Variants in DLGAP2 observed in about 807,000 individuals in gnomAD.
DLGAP2 encodes disks large-associated protein 2.
In DLGAP2, 26 loss-of-function variants were observed where a neutral mutation model predicts 100.3. The ratio of observed to expected loss-of-function variants is 0.26; its 90% CI spans 0.19 to 0.36. The LOEUF (loss-of-function observed/expected upper bound fraction) is 0.36. Among genes scored for constraint, DLGAP2 ranks in the 10% least tolerant of loss-of-function variants. The pLI is 1.00. For missense variants in DLGAP2, 1,858 were observed against 1,453.2 expected, an observed-to-expected ratio of 1.28 and a Z score of -4.53; for synonymous variants, 886 against 630.1, an observed-to-expected ratio of 1.41 and a Z score of -6.08.
intron 5 of DLGAP2, among the ~76,000 whole-genome samples, chr8:1,550,503 A>G (rs1202307757): frequency 6.6e-6 from 1 of 152,128 alleles, no homozygotes; most frequent in Non-Finnish European, 1.5e-5. Flanking sequence ...GGTGTTTTCC[A>G]TGTGAGAGCT....
intron 3 of DLGAP2, among the ~76,000 whole-genome samples, chr8:1,281,887 A>G (rs1444685843): frequency 1.3e-5 from 2 of 152,228 alleles, no homozygotes; most frequent in Non-Finnish European, 2.9e-5. Flanking sequence ...AGAGACGTTC[A>G]AACCACAGCC....
chr8:1,219,785 A>C (rs1167193110), intron 2 of DLGAP2, among the ~76,000 whole-genome samples: 3 of 152,114 alleles, frequency 2.0e-5, no homozygotes, highest in African/African-American at 7.2e-5. Flanking sequence ...AATCAATTTT[A>C]GAACTCATTA....
intron 3 of DLGAP2, among the ~76,000 whole-genome samples, chr8:1,317,224 T>A (rs1317413032): frequency 7.5e-6 from 1 of 133,166 alleles, no homozygotes; most frequent in Non-Finnish European, 1.6e-5. Flanking sequence ...CTCGAGACAC[T>A]CGGCAGCGTT....
Position 1,443,227 on chromosome 8 carries a change from C to T in DLGAP2, c.107-58139C>T, listed in dbSNP as rs991117890. On this transcript the variant is annotated intron_variant, in intron 3 of 14. Coordinates refer to ENST00000637795, the MANE Select transcript of DLGAP2 (RefSeq NM_001346810.2). ...ATATAATCCCAGCGCCCAGCCTTCC[C>T]TCCACTGCCCACAGATAATCGCAGG... 3.3e-5 allele frequency among the ~76,000 whole-genome samples: 5 copies of T among 152,272 alleles called. No homozygotes were observed. The South Asian group carries it at 6.2e-4, about 19-fold the overall frequency.
chr8:752,342 C>T (rs1820812852), intron 1 of DLGAP2, among the ~76,000 whole-genome samples: 1 of 152,224 alleles, frequency 6.6e-6, no homozygotes. Context: ...TCATGCCTCG[C>T]CTTCCTCCAG....
intron 3 of DLGAP2, among the ~76,000 whole-genome samples, chr8:1,498,348 C>T (rs941480409): frequency 4.0e-5 from 6 of 151,338 alleles, no homozygotes; most frequent in African/African-American, 1.2e-4. Context: ...TGTAGATTTT[C>T]CTGCACTATT....
At chr8:1,598,506 T>G (rs1229248318) in intron 6 of DLGAP2, among the ~76,000 whole-genome samples, 1 of 152,146 alleles carries the variant, frequency 6.6e-6, no homozygotes, top group Non-Finnish European at 1.5e-5. Flanking sequence ...GGCTTTTTTT[T>G]GTTGGTAGGC....
chr8:1,349,279 C>T (rs1268645730), intron 3 of DLGAP2, among the ~76,000 whole-genome samples: 1 of 150,782 alleles, frequency 6.6e-6, no homozygotes, highest in Admixed American at 6.7e-5. Flanking sequence ...CACGAGCCTC[C>T]CGCCGACATC....
At chr8:1,465,084 T>C (rs974578952) in intron 3 of DLGAP2, among the ~76,000 whole-genome samples, 1 of 152,154 alleles carries the variant, frequency 6.6e-6, no homozygotes, top group African/African-American at 2.4e-5. Flanking sequence ...GATCCCCTAA[T>C]TCAGCACATT....
chr8:1,493,818 G>C (rs184670279), intron 3 of DLGAP2, among the ~76,000 whole-genome samples: 1 of 152,212 alleles, frequency 6.6e-6, no homozygotes, highest in African/African-American at 2.4e-5. Context: ...AGGGGTGGAC[G>C]CGGCACGACC....
chr8:1,315,245 A>G (rs184021807), intron 3 of DLGAP2, among the ~76,000 whole-genome samples: 5,826 of 149,744 alleles, frequency 0.039, 226 homozygotes, highest in East Asian at 0.093. Flanking sequence ...TCTCTCCAGC[A>G]GTGGTCTACA....
At chr8:1,435,442 G>A (rs1003342225) in intron 3 of DLGAP2, among the ~76,000 whole-genome samples, 1 of 152,054 alleles carries the variant, frequency 6.6e-6, no homozygotes, top group African/African-American at 2.4e-5. Flanking sequence ...ACTGTCCAGT[G>A]ACCTCATAGC....
chr8:862,155 A>G (rs1797403983), intron 1 of DLGAP2, among the ~76,000 whole-genome samples: 1 of 152,126 alleles, frequency 6.6e-6, no homozygotes, highest in Non-Finnish European at 1.5e-5. Flanking sequence ...TGTCATGGCC[A>G]GGAGAAGGCT....
intron 1 of DLGAP2, among the ~76,000 whole-genome samples, chr8:881,470 C>T (rs1183323951): frequency 3.4e-5 from 5 of 147,930 alleles, no homozygotes; most frequent in East Asian, 3.9e-4. Context: ...TTTATTTTCT[C>T]ATCCTCTCCT....
Position 1,338,666 on chromosome 8 carries a change from A to G in DLGAP2, c.106+79783A>G, listed in dbSNP as rs571425343. Reference sequence around the variant, plus strand: ...TTATTTTAAAAATCTAAAACAAACCAAAAACTAAAGACACGATCTGTACAG... The same window carrying G: ...TTATTTTAAAAATCTAAAACAAACCGAAAACTAAAGACACGATCTGTACAG... On this transcript the variant is annotated intron_variant, in intron 3 of 14. Coordinates refer to ENST00000637795, the MANE Select transcript of DLGAP2 (RefSeq NM_001346810.2). 4.6e-5 allele frequency among the ~76,000 whole-genome samples: 7 copies of G among 152,354 alleles called. No homozygotes were observed. In the South Asian group the frequency reaches 1.4e-3, roughly 32 times the overall value.
In DLGAP2 at chr8:1,154,653, C is replaced by A. The variant is rs564510808; in HGVS notation, c.74-104198C>A. On this transcript the variant is annotated intron_variant, in intron 2 of 14. Transcript: ENST00000637795. ...TTAAAAACCCCAGCAGCCAGTTACA[C>A]TGCCACGGAAGAGGCCGGGACTAGC... Among the ~76,000 whole-genome samples, 225 of 152,296 alleles carry A rather than the reference C, an allele frequency of 1.5e-3. 1 individual carries two copies. The highest frequency in any genetic ancestry group is 5.2e-3 in the African/African-American group (215 of 41,588).
chr8:1,193,017 G>A (rs1338186609), intron 2 of DLGAP2, among the ~76,000 whole-genome samples: 2 of 151,994 alleles, frequency 1.3e-5, no homozygotes, highest in African/African-American at 4.8e-5. Context: ...AATTTTTATG[G>A]CTGCATAGTA....
chr8:1,363,723 C>T (rs879638126), intron 3 of DLGAP2, among the ~76,000 whole-genome samples: 4 of 152,232 alleles, frequency 2.6e-5, no homozygotes, highest in Non-Finnish European at 5.9e-5. Context: ...GAGAACCCGA[C>T]GCTCTGGCAG....
intron 4 of DLGAP2, among the ~76,000 whole-genome samples, chr8:1,504,840 G>C (rs1799851564): frequency 6.6e-6 from 1 of 152,206 alleles, no homozygotes; most frequent in Non-Finnish European, 1.5e-5. Flanking sequence ...GAACACGAGA[G>C]AGCAGATACC....
Sources: gnomAD v4.1 joint callset for allele counts (sites outside exome capture counted in the v4.1 genomes callset) on GRCh38, gnomAD v4.1.1 for gene constraint, MANE v1.5 for transcripts, NCBI Gene and HGNC (gene_info 2026-07-23, HGNC 2026-07-21) for gene names.